NREP: variants seen among roughly 807,000 people sequenced by gnomAD.
The protein encoded by NREP is neuronal regeneration-related protein.
Under a neutral mutation model 8.6 loss-of-function variants are expected in NREP, and 5 were observed. The observed-to-expected ratio is 0.58, with a 90% CI of 0.30 to 1.22. The LOEUF is 1.22. Among genes scored for constraint, NREP ranks in the 50% most tolerant of loss-of-function variants. NREP has a pLI of 0.07. For synonymous variants in NREP, 27 were observed against 28.0 expected (o/e 0.96, Z 0.11); for missense variants, 86 against 82.5 (o/e 1.04, Z -0.17).
intron 2 of NREP, among the ~76,000 whole-genome samples, chr5:111,912,352 C>T (rs1003479737): frequency 3.3e-5 from 5 of 151,988 alleles, no homozygotes; most frequent in East Asian, 1.9e-4. Context: ...CTTGACCCTC[C>T]TCACTTCATC....
chr5:111,964,250 T>C (rs1756564413), intron 2 of NREP, among the ~76,000 whole-genome samples: 1 of 152,264 alleles, frequency 6.6e-6, no homozygotes, highest in Non-Finnish European at 1.5e-5. Flanking sequence ...TTAACATATA[T>C]TTTGAGATTT....
At chr5:111,728,971 T>C (rs1308142262), downstream of NREP, 1 of 152,134 alleles carries the variant, frequency 6.6e-6, no homozygotes, top group East Asian at 1.9e-4. Context: ...TGGGTCTTAA[T>C]GGCAAGGAGT....
At chr5:111,858,247 C>T (rs1042785264) in intron 2 of NREP, among the ~76,000 whole-genome samples, 7 of 152,120 alleles carry the variant, frequency 4.6e-5, no homozygotes, top group African/African-American at 1.7e-4. Context: ...GTTTAAGAAA[C>T]ACTACTTAGA....
At chr5:111,761,619 C>T (rs1173926272), upstream of NREP, among the ~76,000 whole-genome samples, 1 of 152,140 alleles carries the variant, frequency 6.6e-6, no homozygotes, top group Non-Finnish European at 1.5e-5. Context: ...CATGAAGGAA[C>T]AGATCGCAGG....
At chr5:111,774,294 A>C (rs972189021) in intron 2 of NREP, among the ~76,000 whole-genome samples, 15 of 152,014 alleles carry the variant, frequency 9.9e-5, no homozygotes, top group Non-Finnish European at 2.9e-5. Flanking sequence ...GGAGAGAAGA[A>C]GGGAAAAAGA....
At chr5:111,814,170 C>T (rs1752333162) in intron 2 of NREP, among the ~76,000 whole-genome samples, 1 of 152,016 alleles carries the variant, frequency 6.6e-6, no homozygotes, top group Non-Finnish European at 1.5e-5. Context: ...GCACTAGTTT[C>T]AGTTATGCAA....
At chr5:111,743,264 GA>G (rs397817022) in intron 2 of NREP, among the ~76,000 whole-genome samples, 117 of 144,372 alleles carry the variant, frequency 8.1e-4, no homozygotes, top group African/African-American at 1.5e-3. Context: ...CTTTAGTGAA[GA>G]AAAAAAAAAA....
intron 2 of NREP, among the ~76,000 whole-genome samples, chr5:111,775,935 A>G (rs1489290369): frequency 3.9e-5 from 6 of 152,196 alleles, no homozygotes; most frequent in Non-Finnish European, 8.8e-5. Flanking sequence ...GTGCTTTTGC[A>G]CTTATGAAAA....
At chr5:111,809,096 T>C (rs1256005986) in intron 2 of NREP, among the ~76,000 whole-genome samples, 2 of 152,196 alleles carry the variant, frequency 1.3e-5, no homozygotes, top group Non-Finnish European at 2.9e-5. Flanking sequence ...AATGACTACA[T>C]AATAAAACTT....
chr5:111,855,915 A>G lies in NREP; in HGVS notation c.135+119359T>C, dbSNP rs1237735242. Among the ~76,000 whole-genome samples, 7 of 152,170 alleles carry G rather than the reference A, an allele frequency of 4.6e-5. No individual in the cohort carries two copies. The East Asian group carries it at 1.2e-3, about 25-fold the overall frequency. The stretch of plus-strand genomic sequence containing the variant: ...AGAAAACTGTTTGCAGCTGAAAGGA[A>G]GTTTGTGAAGAATGAAGGTCCTGTT... On this transcript the variant is annotated intron_variant, in intron 2 of 3. Transcript: ENST00000395634.
At chr5:111,774,867 G>C (rs946267978) in intron 2 of NREP, among the ~76,000 whole-genome samples, 1 of 152,204 alleles carries the variant, frequency 6.6e-6, no homozygotes, top group Non-Finnish European at 1.5e-5. Context: ...AGATTTATGA[G>C]ATAAAGTATG....
At chr5:111,880,397 C>T (rs565058596) in intron 2 of NREP, among the ~76,000 whole-genome samples, 1 of 152,280 alleles carries the variant, frequency 6.6e-6, no homozygotes, top group East Asian at 1.9e-4. Context: ...TTCAGGAGGC[C>T]AGAAGTCCAA....
chr5:111,890,824 TC>T (rs1754376098), intron 2 of NREP, among the ~76,000 whole-genome samples: 1 of 152,180 alleles, frequency 6.6e-6, no homozygotes, highest in African/African-American at 2.4e-5. Flanking sequence ...AAACCATTCT[TC>T]CCTGCTAGGC....
At chr5:111,904,186 TA>T (rs1382638883) in intron 2 of NREP, among the ~76,000 whole-genome samples, 6 of 152,158 alleles carry the variant, frequency 3.9e-5, no homozygotes, top group Middle Eastern at 3.2e-3. Context: ...TATTTGTTAC[TA>T]TTGATGAACC....
intron 3 of NREP, 141 bp from the exon 4 acceptor site, chr5:111,731,187 G>GAGTT: frequency 3.7e-6 from 3 of 801,304 alleles, no homozygotes; most frequent in Non-Finnish European, 5.8e-6. Flanking sequence ...TTGCAAAACA[G>GAGTT]AGTTTACATA....
intron 2 of NREP, among the ~76,000 whole-genome samples, chr5:111,959,445 T>G (rs777519240): frequency 6.6e-6 from 1 of 152,048 alleles, no homozygotes; most frequent in African/African-American, 2.4e-5. Flanking sequence ...CTTTTCTATA[T>G]GTACATTAGC....
chr5:111,962,410 G>A (rs1756505346), intron 2 of NREP, among the ~76,000 whole-genome samples: 1 of 152,062 alleles, frequency 6.6e-6, no homozygotes, highest in African/African-American at 2.4e-5. Context: ...AGAGAAATCA[G>A]TATCACAGAA....
chr5:111,975,143 T>C (rs1191836442), intron 2 of NREP: 1 of 657,266 alleles, frequency 1.5e-6, no homozygotes, highest in East Asian at 2.8e-5. Flanking sequence ...CCTGAATTAA[T>C]GGAAAGGCTT....
intron 2 of NREP, among the ~76,000 whole-genome samples, chr5:111,919,717 T>G (rs1193863756): frequency 6.6e-6 from 1 of 151,982 alleles, no homozygotes; most frequent in Non-Finnish European, 1.5e-5. Context: ...CACCGGGGCC[T>G]GTCAGGGGTT....
Sources: allele counts gnomAD v4.1 joint callset (sites outside exome capture counted in the v4.1 genomes callset), GRCh38; gene constraint gnomAD v4.1.1; transcripts MANE v1.5; gene names NCBI Gene and HGNC (gene_info 2026-07-23, HGNC 2026-07-21).